DMRT1: variants seen among roughly 807,000 people sequenced by gnomAD.
DMRT1 encodes doublesex- and mab-3-related transcription factor 1.
A neutral mutation model predicts 32.3 loss-of-function variants in DMRT1; 7 were observed. The observed-to-expected ratio is 0.22, with a 90% CI of 0.12 to 0.41. DMRT1 has a LOEUF of 0.41. Among genes scored for constraint, DMRT1 ranks in the 10% least tolerant of loss-of-function variants. DMRT1 has a pLI of 1.00. For synonymous variants in DMRT1, 278 were observed against 206.1 expected, an observed-to-expected ratio of 1.35 and a Z score of -2.99; for missense variants, 625 against 500.5, an observed-to-expected ratio of 1.25 and a Z score of -2.37.
At chr9:887,269 A>T (rs1391574452) in intron 2 of DMRT1, among the ~76,000 whole-genome samples, 3 of 152,212 alleles carry the variant, frequency 2.0e-5, no homozygotes, top group Non-Finnish European at 4.4e-5. Flanking sequence ...AGTGATTTTC[A>T]TGAAGTTCCT....
In DMRT1 at chr9:846,809, T is replaced by G. The variant is rs1215217568; in HGVS notation, c.355-151T>G. ...TGTTTCTCAGCTTTGCACATCATAG[T>G]TACCTGGGTGGGTTTAAGAAGAAAT... On this transcript the variant is annotated intron_variant, in intron 1 of 4. Transcript: ENST00000382276. 4.3e-6 allele frequency: 4 copies of G among 936,058 alleles called. No individual in the cohort carries two copies. The African/African-American group carries it at 6.4e-5, about 15-fold the overall frequency. 58.0% of individuals were successfully genotyped at this position (936,058 alleles called of 1,614,324 possible). A position where few individuals can be genotyped will look rare whatever the true frequency, so the allele number is the denominator to read the frequency against.
intron 4 of DMRT1, among the ~76,000 whole-genome samples, chr9:930,208 T>C (rs1238832634): frequency 2.0e-5 from 3 of 151,990 alleles, no homozygotes; most frequent in East Asian, 1.9e-4. Context: ...TGGAGCTAGA[T>C]TGTTCTATTT....
At chr9:871,775 G>T (rs1311762702) in intron 2 of DMRT1, among the ~76,000 whole-genome samples, 4 of 151,082 alleles carry the variant, frequency 2.6e-5, no homozygotes, top group Admixed American at 6.6e-5. Flanking sequence ...TGCCTGGCCG[G>T]CCTAGTCTTT....
intron 3 of DMRT1, among the ~76,000 whole-genome samples, chr9:898,543 G>C (rs966105793): frequency 1.3e-5 from 2 of 152,124 alleles, no homozygotes; most frequent in African/African-American, 4.8e-5. Flanking sequence ...GCCCCTCTTG[G>C]TGGCAGCTTC....
intron 1 of DMRT1, among the ~76,000 whole-genome samples, chr9:843,318 G>T (rs1191995019): frequency 1.3e-5 from 2 of 152,258 alleles, no homozygotes; most frequent in Admixed American, 6.5e-5. Context: ...TTCCCTGCGC[G>T]CCTGGGGCGC....
intron 4 of DMRT1, among the ~76,000 whole-genome samples, chr9:945,218 ATC>A (rs1423662868): frequency 1.4e-4 from 21 of 152,222 alleles, no homozygotes; most frequent in African/African-American, 5.1e-4. Context: ...CAATGGCTCA[ATC>A]TCAGCTCACT....
At chr9:920,175 A>G (rs1450614189) in intron 4 of DMRT1, among the ~76,000 whole-genome samples, 1 of 152,028 alleles carries the variant, frequency 6.6e-6, no homozygotes, top group Non-Finnish European at 1.5e-5. Context: ...GGAGATGAAG[A>G]TTTGGGGGTT....
At chr9:923,897 A>C (rs547050877) in intron 4 of DMRT1, among the ~76,000 whole-genome samples, 1 of 152,138 alleles carries the variant, frequency 6.6e-6, no homozygotes, top group African/African-American at 2.4e-5. Context: ...TTTGTAGGTA[A>C]ATCTGTTTTC....
At chr9:955,338 TAG>T (rs1819565522) in intron 4 of DMRT1, among the ~76,000 whole-genome samples, 1 of 151,906 alleles carries the variant, frequency 6.6e-6, no homozygotes, top group African/African-American at 2.4e-5. Flanking sequence ...TGTAATAAAA[TAG>T]AGACAGGACA....
Position 865,292 on chromosome 9 carries a change from C to G in DMRT1, c.538+18149C>G, listed in dbSNP as rs971853911. ...AGATCTGGAGTCAAAAGACCTGGCT[C>G]AGTTTCTTACCACCTCTCTGATTTT... On this transcript the variant is annotated intron_variant, in intron 2 of 4. Transcript: ENST00000382276. 3.9e-5 allele frequency among the ~76,000 whole-genome samples: 6 copies of G among 152,268 alleles called. No individual in the cohort carries two copies. In the South Asian group the frequency reaches 1.2e-3, roughly 32 times the overall value.
At chr9:870,110 A>G (rs2072461931) in intron 2 of DMRT1, among the ~76,000 whole-genome samples, 1 of 152,226 alleles carries the variant, frequency 6.6e-6, no homozygotes, top group Non-Finnish European at 1.5e-5. Flanking sequence ...GTAAGAAAGA[A>G]TAGCTTGCCG....
chr9:904,913 G>A (rs2129698230), intron 3 of DMRT1, among the ~76,000 whole-genome samples: 2 of 146,192 alleles, frequency 1.4e-5, no homozygotes, highest in East Asian at 4.1e-4. Context: ...CTGTACTCCA[G>A]CCTGGGCAAC....
chr9:950,097 A>G (rs1451433798), intron 4 of DMRT1, among the ~76,000 whole-genome samples: 3 of 152,050 alleles, frequency 2.0e-5, no homozygotes, highest in African/African-American at 7.2e-5. Flanking sequence ...TTCTTGGATC[A>G]TACAGTAGTT....
intron 4 of DMRT1, among the ~76,000 whole-genome samples, chr9:940,774 AT>A (rs1819039118): frequency 6.6e-6 from 1 of 152,192 alleles, no homozygotes; most frequent in Admixed American, 6.5e-5. Flanking sequence ...ATGGGAGAAA[AT>A]ATTTGCAAAT....
intron 2 of DMRT1, among the ~76,000 whole-genome samples, chr9:893,101 C>T (rs1456518742): frequency 1.3e-5 from 2 of 151,620 alleles, no homozygotes; most frequent in Non-Finnish European, 2.9e-5. Flanking sequence ...CCCTTCCCAT[C>T]TTCTATCCTA....
At chr9:880,377 T>A (rs549195453) in intron 2 of DMRT1, among the ~76,000 whole-genome samples, 1 of 152,326 alleles carries the variant, frequency 6.6e-6, no homozygotes, top group South Asian at 2.1e-4. Context: ...TAACATTTTT[T>A]TAAAGTTTTA....
rs527469636 is a variant in DMRT1 at position 951,400 on chromosome 9, G to A, written c.968-16585G>A. On this transcript the variant is annotated intron_variant, in intron 4 of 4. Transcript: ENST00000382276. Reference sequence around the variant, plus strand: ...CAGTAACCTTAATCAGCAAGAATGCGTCTTTTCTGTAAATTATGAAAATTT... The same window carrying A: ...CAGTAACCTTAATCAGCAAGAATGCATCTTTTCTGTAAATTATGAAAATTT... 1.1e-3 allele frequency among the ~76,000 whole-genome samples: 162 copies of A among 152,248 alleles called. 1 individual carries two copies. Among genetic ancestry groups the A allele is most frequent in the Non-Finnish European group, 2.1e-3 (140 of 68,022 alleles).
At chr9:924,514 C>G (rs1818460309) in intron 4 of DMRT1, among the ~76,000 whole-genome samples, 1 of 152,088 alleles carries the variant, frequency 6.6e-6, no homozygotes, top group African/African-American at 2.4e-5. Context: ...TGTATGTAGA[C>G]CTTTTACCGT....
At chr9:865,006 C>G (rs1161531297) in intron 2 of DMRT1, among the ~76,000 whole-genome samples, 1 of 152,138 alleles carries the variant, frequency 6.6e-6, no homozygotes, top group African/African-American at 2.4e-5. Flanking sequence ...TTTCTAGAGG[C>G]TAATCTTATT....
Sources: gnomAD v4.1 joint callset for allele counts (sites outside exome capture counted in the v4.1 genomes callset) on GRCh38, gnomAD v4.1.1 for gene constraint, MANE v1.5 for transcripts, NCBI Gene and HGNC (gene_info 2026-07-23, HGNC 2026-07-21) for gene names.